CCDC3: variants seen among roughly 807,000 people sequenced by gnomAD.
CCDC3 encodes coiled-coil domain-containing protein 3.
Under a neutral mutation model 21.4 loss-of-function variants are expected in CCDC3, and 24 were observed. The ratio of observed to expected loss-of-function variants is 1.12; its 90% CI spans 0.81 to 1.58. The LOEUF is 1.58. Among genes scored for constraint, CCDC3 ranks in the 40% most tolerant of loss-of-function variants. CCDC3 has a pLI of 0.00. For synonymous variants in CCDC3, 186 were observed against 166.0 expected (o/e 1.12, Z -0.93); for missense variants, 425 against 360.9 (o/e 1.18, Z -1.44).
At chr10:13,014,310 C>A (rs1194635878) in intron 5 of CCDC3, among the ~76,000 whole-genome samples, 4 of 147,474 alleles carry the variant, frequency 2.7e-5, no homozygotes, top group Admixed American at 2.0e-4. Context: ...ATTAGCCAGG[C>A]GTGGTGGCAG....
At chr10:13,067,544 G>C (rs1177744108) in intron 4 of CCDC3, among the ~76,000 whole-genome samples, 1 of 152,204 alleles carries the variant, frequency 6.6e-6, no homozygotes, top group Non-Finnish European at 1.5e-5. Context: ...TCTGTATGGT[G>C]AGTAGCAAAC....
At chr10:12,987,403 C>T (rs191188374) in intron 2 of CCDC3, among the ~76,000 whole-genome samples, 18 of 152,294 alleles carry the variant, frequency 1.2e-4, no homozygotes, top group African/African-American at 2.6e-4. Flanking sequence ...TGTAACATAA[C>T]GCCTCACACA....
intron 3 of CCDC3, among the ~76,000 whole-genome samples, chr10:13,079,168 A>G (rs183251336): frequency 7.3e-4 from 111 of 152,368 alleles, no homozygotes; most frequent in Middle Eastern, 3.4e-3. Flanking sequence ...AGGAACAAGC[A>G]TTCTGTTTTT....
intron 4 of CCDC3, among the ~76,000 whole-genome samples, chr10:13,054,154 C>CAAA (rs71386143): frequency 2.0e-5 from 2 of 99,914 alleles, no homozygotes; most frequent in South Asian, 3.7e-4. Flanking sequence ...GACTCTGTAT[C>CAAA]AAAAAAAAAA....
chr10:12,987,969 G>GC (rs1473527894), intron 2 of CCDC3, among the ~76,000 whole-genome samples: 1 of 152,028 alleles, frequency 6.6e-6, no homozygotes, highest in Admixed American at 6.6e-5. Context: ...TTCCGCTTTT[G>GC]CCCCTCAGCA....
chr10:13,051,360 T>C (rs909755941), intron 4 of CCDC3, among the ~76,000 whole-genome samples: 38 of 152,204 alleles, frequency 2.5e-4, no homozygotes, highest in African/African-American at 8.9e-4. Flanking sequence ...GGCAGGAAGA[T>C]TGAGGCTTTG....
chr10:12,936,260 A>G (rs1272749312), intron 2 of CCDC3, among the ~76,000 whole-genome samples: 1 of 152,020 alleles, frequency 6.6e-6, no homozygotes, highest in Non-Finnish European at 1.5e-5. Flanking sequence ...CAGCACTTTA[A>G]ATATTTTTTT....
intron 5 of CCDC3, among the ~76,000 whole-genome samples, chr10:13,018,470 C>T (rs181063507): frequency 1.3e-5 from 2 of 152,140 alleles, no homozygotes; most frequent in East Asian, 1.9e-4. Context: ...CAAAGACTCC[C>T]GGCCTACAGG....
chr10:13,059,288 G>A (rs767380114), intron 4 of CCDC3, among the ~76,000 whole-genome samples: 3 of 152,108 alleles, frequency 2.0e-5, no homozygotes, highest in Admixed American at 6.6e-5. Flanking sequence ...TTTGCGGAGC[G>A]GACCTCTCAT....
chr10:12,923,323 C>G (rs1383581965), intron 2 of CCDC3, among the ~76,000 whole-genome samples: 8 of 152,208 alleles, frequency 5.3e-5, no homozygotes, highest in African/African-American at 1.2e-4. Context: ...GACATCATTA[C>G]TTTTTCACAA....
intron 3 of CCDC3, among the ~76,000 whole-genome samples, chr10:13,087,221 A>G (rs1322942107): frequency 3.3e-5 from 5 of 152,166 alleles, no homozygotes; most frequent in Middle Eastern, 3.2e-3. Flanking sequence ...CCTGACCAAC[A>G]TGGAGAAACC....
Position 12,898,658 on chromosome 10 carries a change from T to TCTGCA in CCDC3, c.566_570dup (p.Lys191CysfsTer33). On this transcript the variant is annotated frameshift_variant, in exon 3 of 3. Transcript: ENST00000378825. LOFTEE classifies it high-confidence loss of function. Reference sequence around the variant, plus strand: ...TGGTCCTCCTCCTCAAACAAGGCCTTCTGCACCGAGGAGCACATGAGCTGG... The same window carrying TCTGCA: ...TGGTCCTCCTCCTCAAACAAGGCCTTCTGCACTGCACCGAGGAGCACATGAGCTGG... 6.2e-7 allele frequency: 1 copy of TCTGCA among 1,614,184 alleles called. No homozygotes were observed. Among genetic ancestry groups the TCTGCA allele is most frequent in the Non-Finnish European group, 8.5e-7 (1 of 1,180,012 alleles).
At chr10:13,081,650 C>T (rs4748019) in intron 3 of CCDC3, among the ~76,000 whole-genome samples, 115,131 of 152,146 alleles carry the variant, frequency 0.76, 43,913 homozygotes, top group Middle Eastern at 0.85. Flanking sequence ...CCTCAAGTTA[C>T]TACTTTTAAT....
At chr10:13,076,088 A>G (rs1836961624) in intron 3 of CCDC3, among the ~76,000 whole-genome samples, 5 of 152,036 alleles carry the variant, frequency 3.3e-5, no homozygotes, top group Non-Finnish European at 7.4e-5. Context: ...AAAACCTAAA[A>G]TAATAGGGAA....
chr10:13,080,499 T>C (rs1477146847), intron 3 of CCDC3, among the ~76,000 whole-genome samples: 1 of 152,198 alleles, frequency 6.6e-6, no homozygotes, highest in Non-Finnish European at 1.5e-5. Flanking sequence ...TAAAATATAC[T>C]TTTAGTAAAA....
intron 2 of CCDC3, among the ~76,000 whole-genome samples, chr10:12,944,303 A>C (rs1834880716): frequency 1.3e-5 from 2 of 152,178 alleles, no homozygotes; most frequent in African/African-American, 4.8e-5. Flanking sequence ...TGCTACCTGG[A>C]GGCTTCATCT....
At chr10:13,075,488 T>C (rs1360842810) in intron 3 of CCDC3, among the ~76,000 whole-genome samples, 7 of 151,866 alleles carry the variant, frequency 4.6e-5, no homozygotes, top group African/African-American at 1.7e-4. Flanking sequence ...AGGTGGGTAA[T>C]GGTTTAGAAG....
chr10:12,910,454 A>T (rs1834251198), intron 2 of CCDC3, among the ~76,000 whole-genome samples: 1 of 152,084 alleles, frequency 6.6e-6, no homozygotes, highest in South Asian at 2.1e-4. Flanking sequence ...TTTATTTGGT[A>T]AAAATATTAT....
At chr10:12,944,236 G>A (rs1197219743) in intron 2 of CCDC3, among the ~76,000 whole-genome samples, 15 of 152,132 alleles carry the variant, frequency 9.9e-5, no homozygotes. Flanking sequence ...TCCCTTACTA[G>A]AGTCTGATAC....
Sources: gnomAD v4.1 joint callset for allele counts (sites outside exome capture counted in the v4.1 genomes callset) on GRCh38, gnomAD v4.1.1 for gene constraint, MANE v1.5 for transcripts, NCBI Gene and HGNC (gene_info 2026-07-23, HGNC 2026-07-21) for gene names.